Variants in MYO1B observed in about 807,000 individuals in gnomAD.
MYO1B encodes the protein myosin IB, also known as unconventional myosin-Ib.
Under a neutral mutation model 159.7 loss-of-function variants are expected in MYO1B, and 72 were observed. The observed-to-expected ratio is 0.45, with a 90% CI of 0.37 to 0.55. The LOEUF (loss-of-function observed/expected upper bound fraction) is 0.55, where lower values mean the gene tolerates loss of function less well. Ranked by LOEUF, MYO1B falls within the 20% of genes least tolerant of loss-of-function variation. The pLI is 0.00. For synonymous variants in MYO1B, 468 were observed against 473.8 expected (o/e 0.99, Z 0.16); for missense variants, 1,062 against 1,364.8 (o/e 0.78, Z 3.50).
intron 24 of MYO1B, among the ~76,000 whole-genome samples, chr2:191,403,627 A>G (rs746553334): frequency 2.6e-5 from 4 of 152,180 alleles, no homozygotes; most frequent in Non-Finnish European, 2.9e-5. Context: ...ACCATTAGAA[A>G]TATCCCTGAA....
intron 3 of MYO1B, among the ~76,000 whole-genome samples, chr2:191,316,492 T>G (rs1011222563): frequency 1.3e-5 from 2 of 152,106 alleles, no homozygotes; most frequent in Non-Finnish European, 2.9e-5. Flanking sequence ...AAGAGAACAG[T>G]CATATGTGAG....
chr2:191,366,391 T>C (rs562976283), intron 11 of MYO1B, among the ~76,000 whole-genome samples: 1 of 152,240 alleles, frequency 6.6e-6, no homozygotes, highest in Non-Finnish European at 1.5e-5. Flanking sequence ...CTGTTTTTTT[T>C]TTTATTTTTA....
In MYO1B at chr2:191,392,133, G is replaced by T; in HGVS notation, c.2008G>T (p.Glu670Ter). 6.2e-7 allele frequency: 1 copy of T among 1,609,218 alleles called. No homozygotes were observed. Among genetic ancestry groups the T allele is most frequent in the Non-Finnish European group, 8.5e-7 (1 of 1,176,488 alleles). Residue 670 changes from glutamate to a stop codon, truncating the protein, a stop_gained, in exon 19 of 31, where the codon GAA becomes TAA. Coordinates refer to ENST00000392318, the MANE Select transcript of MYO1B (RefSeq NM_001130158.3). LOFTEE classifies it high-confidence loss of function. ...GTCTGGTGTGGAGGTCCTATTTAAT[G>T]AATTAGAAATTCCCGTGGAAGAATA... ...ARSGVEVLFN[E>*]LEIPVEEYSF...
At chr2:191,401,655 G>A (rs901578278) in intron 23 of MYO1B, 1 of 152,190 alleles carries the variant, frequency 6.6e-6, no homozygotes, top group African/African-American at 2.4e-5. Context: ...CCTTGTCAAT[G>A]TTGTAAGCCT....
intron 3 of MYO1B, among the ~76,000 whole-genome samples, chr2:191,328,982 C>T (rs114540536): frequency 3.9e-5 from 6 of 152,190 alleles, no homozygotes; most frequent in South Asian, 4.2e-4. Flanking sequence ...CTCCTTTTGA[C>T]GGAGAACTCC....
intron 2 of MYO1B, among the ~76,000 whole-genome samples, chr2:191,278,104 T>C (rs1296059854): frequency 6.6e-6 from 1 of 152,244 alleles, no homozygotes; most frequent in Non-Finnish European, 1.5e-5. Flanking sequence ...CTGTTGGAGC[T>C]GCGATACCAA....
At chr2:191,423,788 C>T in intron 30 of MYO1B, 49 bp from the exon 31 acceptor site, 1 of 1,571,482 alleles carries the variant, frequency 6.4e-7, no homozygotes, top group Non-Finnish European at 8.6e-7. Flanking sequence ...TTATTGTAAT[C>T]ATGAGCTGTT....
intron 21 of MYO1B, among the ~76,000 whole-genome samples, chr2:191,398,287 C>T (rs564240418): frequency 2.1e-4 from 22 of 103,170 alleles, no homozygotes; most frequent in East Asian, 1.6e-3. Context: ...GCTGGCCGGG[C>T]GGGGGGCTGA....
At chr2:191,329,863 T>C in intron 3 of MYO1B, 72 bp from the exon 4 acceptor site, 1 of 1,304,606 alleles carries the variant, frequency 7.7e-7, no homozygotes, top group South Asian at 1.4e-5. Flanking sequence ...TTTAAGGAGC[T>C]TGTAGTTCCA....
intron 1 of MYO1B, among the ~76,000 whole-genome samples, chr2:191,251,675 T>C (rs1235534314): frequency 6.6e-6 from 1 of 152,212 alleles, no homozygotes; most frequent in Non-Finnish European, 1.5e-5. Flanking sequence ...TTTTTAAATT[T>C]GTTTAAAAAA....
chr2:191,341,900 C>T (rs116290067), intron 5 of MYO1B, among the ~76,000 whole-genome samples: 1 of 151,862 alleles, frequency 6.6e-6, no homozygotes, highest in Admixed American at 6.6e-5. Context: ...AGGATAACAC[C>T]TGTGGCTGAT....
In MYO1B at chr2:191,414,044, T is replaced by G; in HGVS notation, c.2874-4T>G. 6.3e-7 allele frequency: 1 copy of G among 1,591,702 alleles called. No homozygotes were observed. Among genetic ancestry groups the G allele is most frequent in the Non-Finnish European group, 8.5e-7 (1 of 1,172,242 alleles). On this transcript the variant is annotated splice_polypyrimidine_tract_variant and splice_region_variant and intron_variant, in intron 27 of 30. Coordinates refer to ENST00000392318, the MANE Select transcript of MYO1B (RefSeq NM_001130158.3). ...TCTAATGTGCAGGAATTTTTTTCCT[T>G]TAGTGTTGGGCAACCATTCCAAGGG...
chr2:191,370,476 G>A (rs1182413579), intron 13 of MYO1B, among the ~76,000 whole-genome samples, 184 bp downstream of exon 13: 2 of 151,014 alleles, frequency 1.3e-5, no homozygotes, highest in African/African-American at 4.9e-5. Flanking sequence ...ACAAAATTTG[G>A]TTGTGTATTC....
chr2:191,276,783 A>G (rs1414598289), intron 1 of MYO1B, 104 bp from the exon 2 acceptor site: 1 of 1,324,052 alleles, frequency 7.6e-7, no homozygotes. Context: ...AAGGCTAGTG[A>G]GAGTCATTTG....
Position 191,276,906 on chromosome 2 carries a change from T to C in MYO1B, c.11T>C (p.Met4Thr), listed in dbSNP as rs576500726. ...CTGCAGCTGGAGACCATGGCCAAAATGGAGGTGAAAACCTCACTTCTGGAC... is the reference window on the plus strand; with the variant it reads ...CTGCAGCTGGAGACCATGGCCAAAACGGAGGTGAAAACCTCACTTCTGGAC... The part of the protein sequence containing the change: MAK[M>T]EVKTSLLDNM... Residue 4 changes from methionine to threonine, a missense_variant, in exon 2 of 31, where the codon ATG (methionine) becomes ACG (threonine). Physicochemically the swap from Met to Thr is moderately conservative, Grantham distance 81. Around this residue, in one of 5 missense-constraint regions of MYO1B, gnomAD observed 415 missense variants for 544.0 expected, o/e 0.76. Transcript: ENST00000392318. 2 of 1,607,656 alleles carry C rather than the reference T, an allele frequency of 1.2e-6. No homozygotes were observed. Among genetic ancestry groups the C allele is most frequent in the South Asian group, 2.2e-5 (2 of 90,104 alleles).
intron 3 of MYO1B, among the ~76,000 whole-genome samples, chr2:191,319,948 A>G (rs193025947): frequency 5.9e-5 from 9 of 152,290 alleles, no homozygotes; most frequent in Admixed American, 5.9e-4. Flanking sequence ...GCTTGTGAAA[A>G]TGTCTTGCTT....
At position 191,329,919 on chromosome 2, in the gene MYO1B, C is replaced by A. The variant is rs369311317; in HGVS notation, c.252-16C>A. 6.3e-7 allele frequency: 1 copy of A among 1,598,388 alleles called. No individual in the cohort carries two copies. Among genetic ancestry groups the A allele is most frequent in the East Asian group, 2.3e-5 (1 of 44,254 alleles). On this transcript the variant is annotated splice_polypyrimidine_tract_variant and intron_variant, in intron 3 of 30. Coordinates refer to ENST00000392318, the MANE Select transcript of MYO1B (RefSeq NM_001130158.3). ...GATCTGAAGTCTAAGGAATTTTTTT[C>A]CATTATCCCCTGCAGCTTTGCCCTT...
At chr2:191,411,970 A>C (rs1372043729) in intron 27 of MYO1B, among the ~76,000 whole-genome samples, 1 of 152,258 alleles carries the variant, frequency 6.6e-6, no homozygotes, top group African/African-American at 2.4e-5. Context: ...TTATATGCTG[A>C]GTATATTCAC....
intron 1 of MYO1B, among the ~76,000 whole-genome samples, chr2:191,264,280 G>C (rs1686993718): frequency 1.3e-5 from 2 of 152,092 alleles, no homozygotes; most frequent in Admixed American, 6.5e-5. Context: ...TAATGTAAAT[G>C]TATAAATATC....
Sources: allele counts gnomAD v4.1 joint callset (sites outside exome capture counted in the v4.1 genomes callset), GRCh38; gene constraint gnomAD v4.1.1; regional missense constraint gnomAD v4.1.1; transcripts MANE v1.5; gene names NCBI Gene and HGNC (gene_info 2026-07-23, HGNC 2026-07-21).